TEAD1: variants seen among roughly 807,000 people sequenced by gnomAD.
TEAD1 encodes the protein TEA domain transcription factor 1, also known as transcriptional enhancer factor TEF-1.
Under a neutral mutation model 54.9 loss-of-function variants are expected in TEAD1, and 9 were observed. The observed-to-expected ratio is 0.16, with a 90% CI of 0.10 to 0.29. The LOEUF (loss-of-function observed/expected upper bound fraction) is 0.29, where lower values mean the gene tolerates loss of function less well. Among genes scored for constraint, TEAD1 ranks in the 10% least tolerant of loss-of-function variants. The pLI, the probability that TEAD1 is intolerant of heterozygous loss-of-function variation, is 1.00. For missense variants in TEAD1, 387 were observed against 535.9 expected (o/e 0.72, Z 2.74); for synonymous variants, 200 against 187.8 (o/e 1.07, Z -0.53).
At chr11:12,711,979 C>G (rs746021227) in intron 2 of TEAD1, among the ~76,000 whole-genome samples, 3 of 152,168 alleles carry the variant, frequency 2.0e-5, no homozygotes, top group Non-Finnish European at 4.4e-5. Flanking sequence ...CTCCTCTTCT[C>G]CAGGTCCTCT....
intron 3 of TEAD1, among the ~76,000 whole-genome samples, chr11:12,765,957 G>T (rs758285282): frequency 2.6e-5 from 4 of 152,160 alleles, no homozygotes; most frequent in Non-Finnish European, 5.9e-5. Context: ...TGAAAATGCA[G>T]CTCCCTTTCT....
intron 2 of TEAD1, among the ~76,000 whole-genome samples, chr11:12,720,425 A>G (rs1944168935): frequency 6.6e-6 from 1 of 152,230 alleles, no homozygotes; most frequent in Admixed American, 6.5e-5. Context: ...CAATGCTTAT[A>G]GTAACTGCTG....
intron 2 of TEAD1, among the ~76,000 whole-genome samples, chr11:12,690,122 T>C (rs1009117743): frequency 6.6e-6 from 1 of 151,408 alleles, no homozygotes; most frequent in African/African-American, 2.4e-5. Flanking sequence ...CCGCCTGTAG[T>C]GCCAGCTACT....
At chr11:12,704,954 C>G (rs1052868395) in intron 2 of TEAD1, among the ~76,000 whole-genome samples, 1 of 152,176 alleles carries the variant, frequency 6.6e-6, no homozygotes, top group Non-Finnish European at 1.5e-5. Context: ...GTGTGTATGC[C>G]CAACTCTGTG....
intron 3 of TEAD1, among the ~76,000 whole-genome samples, chr11:12,834,842 C>A (rs915764379): frequency 6.6e-6 from 1 of 150,438 alleles, no homozygotes; most frequent in African/African-American, 2.4e-5. Context: ...GTCTCAAATT[C>A]TTGGCCTCAA....
intron 10 of TEAD1, among the ~76,000 whole-genome samples, chr11:12,912,394 T>C (rs541160277): frequency 9.9e-5 from 15 of 152,240 alleles, no homozygotes; most frequent in Admixed American, 5.2e-4. Flanking sequence ...TCGGAAGGGC[T>C]CACAAAGACA....
rs71313457 is a variant in TEAD1, at chr11:12,730,694, C to CTTTTT, written c.-54-33466_-54-33462dup. On this transcript the variant is annotated intron_variant, in intron 2 of 12. Transcript: ENST00000527636. ...GCCTACAGTGCTTTTCTACATAGCT[C>CTTTTT]TTTTTTTTTTTTTTTTTTTTTTTGG... Among the ~76,000 whole-genome samples the CTTTTT allele has an allele frequency of 6.7e-4, 44 of 65,658 alleles. 1 individual carries two copies. The highest frequency in any genetic ancestry group is 1.3e-3 in the African/African-American group (20 of 15,472). The allele number at this position is 65,658 out of a possible 152,430, so 43.1% of individuals were successfully genotyped here.
At chr11:12,887,233 A>T (rs565525810) in intron 9 of TEAD1, among the ~76,000 whole-genome samples, 1 of 152,030 alleles carries the variant, frequency 6.6e-6, no homozygotes, top group African/African-American at 2.4e-5. Context: ...AGTAGCTGGG[A>T]CTACAGGCAT....
At chr11:12,808,457 C>T (rs888752928) in intron 3 of TEAD1, among the ~76,000 whole-genome samples, 6 of 152,160 alleles carry the variant, frequency 3.9e-5, no homozygotes, top group Admixed American at 6.5e-5. Flanking sequence ...TCTGTGCCTT[C>T]CTCTTCGCTA....
chr11:12,816,532 A>T (rs927625414), intron 3 of TEAD1, among the ~76,000 whole-genome samples: 1 of 152,118 alleles, frequency 6.6e-6, no homozygotes, highest in East Asian at 1.9e-4. Flanking sequence ...TTGTTGGCTT[A>T]TTAGGGGCAT....
intron 2 of TEAD1, among the ~76,000 whole-genome samples, chr11:12,713,801 G>T (rs1263279250): frequency 1.3e-5 from 2 of 152,178 alleles, no homozygotes; most frequent in Non-Finnish European, 2.9e-5. Flanking sequence ...TCCTTTGCGT[G>T]TCAGCTCTCT....
chr11:12,878,364 T>C (rs1448462591), intron 5 of TEAD1, among the ~76,000 whole-genome samples: 1 of 152,192 alleles, frequency 6.6e-6, no homozygotes, highest in Non-Finnish European at 1.5e-5. Context: ...AAGCACCCTC[T>C]CTGCTGGTAC....
chr11:12,814,063 C>T (rs1470237373), intron 3 of TEAD1, among the ~76,000 whole-genome samples: 6 of 152,284 alleles, frequency 3.9e-5, no homozygotes. Flanking sequence ...TTCTGGGAGC[C>T]GTGTCTCATT....
chr11:12,832,008 A>G (rs1946793988), intron 3 of TEAD1, among the ~76,000 whole-genome samples: 1 of 152,090 alleles, frequency 6.6e-6, no homozygotes, highest in Non-Finnish European at 1.5e-5. Context: ...AGCACTGTGG[A>G]ACTGATCCTA....
intron 2 of TEAD1, among the ~76,000 whole-genome samples, chr11:12,723,814 C>T (rs773664597): frequency 7.2e-5 from 11 of 152,176 alleles, no homozygotes; most frequent in South Asian, 2.1e-4. Context: ...CAAAAGCAAA[C>T]GTCTCCCACG....
At chr11:12,734,610 C>T (rs145454247) in intron 2 of TEAD1, among the ~76,000 whole-genome samples, 286 of 152,178 alleles carry the variant, frequency 1.9e-3, no homozygotes, top group African/African-American at 6.3e-3. Context: ...TCTTTTATAC[C>T]ATATTTTTAC....
At chr11:12,851,628 GTC>G (rs764424413) in intron 3 of TEAD1, among the ~76,000 whole-genome samples, 1 of 151,950 alleles carries the variant, frequency 6.6e-6, no homozygotes, top group Non-Finnish European at 1.5e-5. Flanking sequence ...ACCCCCTTGT[GTC>G]TCTACTAAAA....
chr11:12,706,479 A>G (rs182922306), intron 2 of TEAD1, among the ~76,000 whole-genome samples: 205 of 152,360 alleles, frequency 1.3e-3, no homozygotes, highest in African/African-American at 4.1e-3. Context: ...GATTTAAACT[A>G]TGTTCTTGAG....
intron 2 of TEAD1, among the ~76,000 whole-genome samples, chr11:12,680,792 G>A (rs1943204015): frequency 6.6e-6 from 1 of 152,190 alleles, no homozygotes. Flanking sequence ...ACATGCCGCC[G>A]CTGCTGGGTT....
Sources: gnomAD v4.1 joint callset for allele counts (sites outside exome capture counted in the v4.1 genomes callset) on GRCh38, gnomAD v4.1.1 for gene constraint, MANE v1.5 for transcripts, NCBI Gene and HGNC (gene_info 2026-07-23, HGNC 2026-07-21) for gene names.